The following EPB41L4B variants were observed in gnomAD, a reference collection of about 807,000 sequenced individuals.
EPB41L4B encodes the protein band 4.1-like protein 4B.
In EPB41L4B, 30 loss-of-function variants were observed where a neutral mutation model predicts 112.5. The ratio of observed to expected loss-of-function variants is 0.27; its 90% CI spans 0.20 to 0.36. The LOEUF is 0.36. Ranked by LOEUF, EPB41L4B falls within the 10% of genes least tolerant of loss-of-function variation. The pLI, the probability that EPB41L4B is intolerant of heterozygous loss-of-function variation, is 1.00. For synonymous variants in EPB41L4B, 408 were observed against 439.7 expected (o/e 0.93, Z 0.90); for missense variants, 1,024 against 1,133.3 (o/e 0.90, Z 1.38).
At chr9:109,314,352 G>T (rs1046141909) in intron 1 of EPB41L4B, among the ~76,000 whole-genome samples, 2 of 152,172 alleles carry the variant, frequency 1.3e-5, no homozygotes, top group South Asian at 2.1e-4. Flanking sequence ...ATTTCAAAAC[G>T]AAACAGACCT....
intron 4 of EPB41L4B, among the ~76,000 whole-genome samples, chr9:109,265,551 AAC>A (rs10631824): frequency 0.018 from 2,634 of 150,054 alleles, 69 homozygotes; most frequent in African/African-American, 0.052. Flanking sequence ...ACAGCACACA[AAC>A]ACACACACAC....
At chr9:109,251,437 T>C (rs746502696) in intron 13 of EPB41L4B, 44 bp downstream of exon 13, 96 of 1,580,596 alleles carry the variant, frequency 6.1e-5, no homozygotes, top group Admixed American at 8.3e-5. Context: ...ATAAATACGA[T>C]CCTTAGAGAG....
At chr9:109,292,120 G>T (rs1224983665) in intron 1 of EPB41L4B, among the ~76,000 whole-genome samples, 2 of 152,158 alleles carry the variant, frequency 1.3e-5, no homozygotes, top group East Asian at 3.8e-4. Flanking sequence ...CCTAACATCT[G>T]CTAGGGACCT....
chr9:109,185,705 T>A, intron 22 of EPB41L4B, 100 bp from the exon 23 acceptor site: 1 of 856,266 alleles, frequency 1.2e-6, no homozygotes, highest in Non-Finnish European at 1.8e-6. Context: ...GACAGCACAG[T>A]GCAAGACAGA....
rs558408557 is a variant in EPB41L4B, at chr9:109,218,374, C to T, written c.1410-1229G>A. Among the ~76,000 whole-genome samples the T allele has an allele frequency of 1.1e-4, 16 of 152,212 alleles. No individual in the cohort carries two copies. The South Asian group carries it at 3.1e-3, about 30-fold the overall frequency. ...CCCCTGACCTCAAGTGACCTGCCTG[C>T]CTCAGCCTCCGAAAGTGCTGGGATT... On this transcript the variant is annotated intron_variant, in intron 15 of 25. Coordinates refer to ENST00000374566, the MANE Select transcript of EPB41L4B (RefSeq NM_019114.5).
At chr9:109,303,846 T>A (rs902067462) in intron 1 of EPB41L4B, among the ~76,000 whole-genome samples, 1 of 152,102 alleles carries the variant, frequency 6.6e-6, no homozygotes, top group African/African-American at 2.4e-5. Flanking sequence ...TATGACCGGA[T>A]AAGTTTTATA....
At chr9:109,300,636 A>T (rs1027949902) in intron 1 of EPB41L4B, 5 of 152,034 alleles carry the variant, frequency 3.3e-5, no homozygotes, top group Non-Finnish European at 7.4e-5. Context: ...AAATATAAAC[A>T]TTAGCCAGGC....
At chr9:109,241,442 T>C in intron 15 of EPB41L4B, 1 of 1,312,742 alleles carries the variant, frequency 7.6e-7, no homozygotes, top group Non-Finnish European at 9.7e-7. Context: ...ATATGATTCC[T>C]GAGCCTTTAC....
In EPB41L4B at chr9:109,262,960, A is replaced by T; in HGVS notation, c.631+90T>A. On this transcript the variant is annotated intron_variant, in intron 6 of 25. Transcript: ENST00000374566. ...ATATTCATTTATATCCCCAAAGCTAAGCACTGGGCCTGGTATACTGTGGAC... is the reference window on the plus strand; with the variant it reads ...ATATTCATTTATATCCCCAAAGCTATGCACTGGGCCTGGTATACTGTGGAC... 4.5e-6 allele frequency: 4 copies of T among 895,470 alleles called. No homozygotes were observed. In the South Asian group the frequency reaches 6.4e-5, roughly 14 times the overall value. The allele number at this position is 895,470 out of a possible 1,614,324, so 55.5% of individuals were successfully genotyped here.
At chr9:109,246,743 C>T (rs1588167925) in intron 14 of EPB41L4B, among the ~76,000 whole-genome samples, 1 of 152,360 alleles carries the variant, frequency 6.6e-6, no homozygotes, top group East Asian at 1.9e-4. Context: ...TTCCATGTTA[C>T]CAGGCATGGG....
intron 15 of EPB41L4B, chr9:109,240,023 T>C (rs182082740): frequency 2.0e-6 from 2 of 985,414 alleles, no homozygotes; most frequent in East Asian, 2.3e-4. Context: ...AGGATGATCT[T>C]GCTCCACCCA....
chr9:109,306,674 C>T (rs1384238460), intron 1 of EPB41L4B, among the ~76,000 whole-genome samples: 1 of 152,076 alleles, frequency 6.6e-6, no homozygotes, highest in Non-Finnish European at 1.5e-5. Flanking sequence ...CCTCCCAAGC[C>T]CATCAATCTT....
Position 109,320,303 on chromosome 9 carries a change from C to CGG in EPB41L4B, c.143_144insCC (p.Ala49ArgfsTer50). ...TGCCCCCGGGCGCGGCGGGCAGCGC[C>CGG]GAGGAGGAGGCGGCGGCGGCCGGGC... On this transcript the variant is annotated frameshift_variant, in exon 1 of 26. Transcript: ENST00000374566. LOFTEE classifies it high-confidence loss of function. The CGG allele has an allele frequency of 9.5e-7, 1 of 1,050,646 alleles. No homozygotes were observed. The highest frequency in any genetic ancestry group is 1.1e-6 in the Non-Finnish European group (1 of 872,976). 65.1% of individuals were successfully genotyped at this position (1,050,646 alleles called of 1,614,324 possible). A position where few individuals can be genotyped will look rare whatever the true frequency, so the allele number is the denominator to read the frequency against.
chr9:109,207,598 A>G (rs897360130), intron 18 of EPB41L4B, among the ~76,000 whole-genome samples: 1 of 151,586 alleles, frequency 6.6e-6, no homozygotes, highest in African/African-American at 2.4e-5. Flanking sequence ...GAGAGAGAGA[A>G]AGGAGAGGAG....
Position 109,309,967 on chromosome 9 carries a change from T to C in EPB41L4B, c.306+10174A>G, listed in dbSNP as rs200013326. 3.9e-5 allele frequency among the ~76,000 whole-genome samples: 6 copies of C among 152,086 alleles called. No homozygotes were observed. In the East Asian group the frequency reaches 5.8e-4, roughly 15 times the overall value. ...GCTGTGGGGACTCTGGAAAACAATT[T>C]TGTATGATTATAAAGGGCCCCGCCC... is the stretch of plus-strand genomic sequence containing the variant. On this transcript the variant is annotated intron_variant, in intron 1 of 25. Transcript: ENST00000374566.
At chr9:109,180,422 C>A (rs1055655774) in intron 24 of EPB41L4B, among the ~76,000 whole-genome samples, 1 of 152,164 alleles carries the variant, frequency 6.6e-6, no homozygotes, top group East Asian at 1.9e-4. Flanking sequence ...GGAGCTGTGT[C>A]CAGCAAGACT....
intron 15 of EPB41L4B, among the ~76,000 whole-genome samples, chr9:109,237,888 C>T (rs1052578664): frequency 1.3e-5 from 2 of 151,838 alleles, no homozygotes; most frequent in Non-Finnish European, 2.9e-5. Flanking sequence ...TGCAGATGGA[C>T]AGGGGTTACT....
intron 1 of EPB41L4B, among the ~76,000 whole-genome samples, chr9:109,287,360 C>T (rs557546933): frequency 1.2e-4 from 18 of 152,292 alleles, no homozygotes; most frequent in African/African-American, 4.3e-4. Flanking sequence ...CCAAGTGCAA[C>T]ATTAACAGGT....
At chr9:109,267,106 C>T (rs1835435179) in intron 4 of EPB41L4B, among the ~76,000 whole-genome samples, 1 of 151,466 alleles carries the variant, frequency 6.6e-6, no homozygotes, top group African/African-American at 2.4e-5. Context: ...GAATATTTTG[C>T]AATCTCTTAA....
Sources: gnomAD v4.1 joint callset for allele counts (sites outside exome capture counted in the v4.1 genomes callset) on GRCh38, gnomAD v4.1.1 for gene constraint, MANE v1.5 for transcripts, NCBI Gene and HGNC (gene_info 2026-07-23, HGNC 2026-07-21) for gene names.